SLC44A5: variants seen among roughly 807,000 people sequenced by gnomAD.
SLC44A5 encodes the protein choline transporter-like protein 5.
Under a neutral mutation model 101.8 loss-of-function variants are expected in SLC44A5, and 57 were observed. The observed-to-expected ratio is 0.56, with a 90% confidence interval of 0.45 to 0.70. The LOEUF is 0.70. Among genes scored for constraint, SLC44A5 ranks in the 30% least tolerant of loss-of-function variants. The pLI is 0.00. For synonymous variants in SLC44A5, 281 were observed against 290.9 expected, an observed-to-expected ratio of 0.97 and a Z score of 0.35; for missense variants, 737 against 853.1, an observed-to-expected ratio of 0.86 and a Z score of 1.70.
At chr1:75,634,921 C>G in the SLC44A5 span, among the ~76,000 whole-genome samples, 2 of 152,006 alleles carry the variant, frequency 1.3e-5, no homozygotes, top group Non-Finnish European at 1.5e-5. Flanking sequence ...TGACAAAGGG[C>G]TAATATCTAG....
At chr1:75,631,354 C>T in the SLC44A5 span, among the ~76,000 whole-genome samples, 4,966 of 151,982 alleles carry the variant, frequency 0.033, 276 homozygotes, top group African/African-American at 0.12. Context: ...GTATCTGTGA[C>T]TTCCCTAAGA....
intron 14 of SLC44A5, among the ~76,000 whole-genome samples, chr1:75,220,396 G>A (rs1647053796): frequency 1.3e-5 from 2 of 152,004 alleles, no homozygotes; most frequent in African/African-American, 4.8e-5. Context: ...TTATCTGCCT[G>A]TTTGCAACCT....
intron 2 of SLC44A5, among the ~76,000 whole-genome samples, chr1:75,469,667 C>G (rs905134317): frequency 6.6e-6 from 1 of 152,038 alleles, no homozygotes; most frequent in Non-Finnish European, 1.5e-5. Flanking sequence ...GCCTGTAATT[C>G]CAGCCTTCTG....
At chr1:75,387,123 G>A (rs2101314087) in intron 3 of SLC44A5, among the ~76,000 whole-genome samples, 1 of 152,222 alleles carries the variant, frequency 6.6e-6, no homozygotes, top group East Asian at 1.9e-4. Flanking sequence ...GAAAACCTAG[G>A]CATTACCATT....
chr1:75,274,427 T>C (rs373384658), intron 6 of SLC44A5, among the ~76,000 whole-genome samples: 7 of 152,270 alleles, frequency 4.6e-5, no homozygotes, highest in East Asian at 3.9e-4. Flanking sequence ...AGAAAGAAAT[T>C]TGATGGAACA....
chr1:75,266,053 C>G (rs1435231462), intron 6 of SLC44A5, among the ~76,000 whole-genome samples: 1 of 152,166 alleles, frequency 6.6e-6, no homozygotes, highest in Non-Finnish European at 1.5e-5. Context: ...CTTTGGACAC[C>G]GTAAAAACCC....
At chr1:75,490,924 C>T (rs1006368841) in intron 2 of SLC44A5, among the ~76,000 whole-genome samples, 2 of 151,434 alleles carry the variant, frequency 1.3e-5, no homozygotes, top group Non-Finnish European at 2.9e-5. Context: ...AGTAAATCTA[C>T]TTTTTTAAAA....
At chr1:75,304,808 C>T (rs964131980) in intron 4 of SLC44A5, among the ~76,000 whole-genome samples, 5 of 152,034 alleles carry the variant, frequency 3.3e-5, no homozygotes, top group African/African-American at 1.2e-4. Context: ...AACCATTGTA[C>T]TAAGTTAAAA....
intron 4 of SLC44A5, among the ~76,000 whole-genome samples, chr1:75,306,733 CT>C (rs771955227): frequency 3.8e-4 from 39 of 102,594 alleles, no homozygotes; most frequent in South Asian, 2.5e-3. Context: ...GGTTTCCTTT[CT>C]TTTTTTTTTT....
intron 1 of SLC44A5, among the ~76,000 whole-genome samples, chr1:75,584,250 T>C (rs1673868645): frequency 6.6e-6 from 1 of 152,194 alleles, no homozygotes; most frequent in African/African-American, 2.4e-5. Flanking sequence ...GCAAAGGTAA[T>C]TAAAAGGTTC....
At chr1:75,483,913 G>A (rs1293043384) in intron 2 of SLC44A5, among the ~76,000 whole-genome samples, 1 of 152,098 alleles carries the variant, frequency 6.6e-6, no homozygotes, top group African/African-American at 2.4e-5. Flanking sequence ...GGAGAGTGAG[G>A]TGGGAAGTGC....
Position 75,537,029 on chromosome 1 carries a change from A to ATATATAT in SLC44A5, c.13+4405_13+4406insATATATA, listed in dbSNP as rs1228367756. Reference sequence around the variant, plus strand: ...TCAAAAAAAAAAAAAAAAAAAAAAAAAAAAATATATATCTATGCCAAATGA... The same window carrying ATATATAT: ...TCAAAAAAAAAAAAAAAAAAAAAAAATATATATAAAAATATATATCTATGCCAAATGA... On this transcript the variant is annotated intron_variant, in intron 2 of 23. Transcript: ENST00000370859. 9.1e-4 allele frequency among the ~76,000 whole-genome samples: 23 copies of ATATATAT among 25,246 alleles called. 2 individuals are homozygous for ATATATAT. In the East Asian group the frequency reaches 0.012, roughly 13 times the overall value. 16.6% of individuals were successfully genotyped at this position (25,246 alleles called of 152,430 possible).
At chr1:75,324,331 C>G (rs748427402) in intron 4 of SLC44A5, among the ~76,000 whole-genome samples, 1 of 152,072 alleles carries the variant, frequency 6.6e-6, no homozygotes, top group Non-Finnish European at 1.5e-5. Flanking sequence ...CCAGATCCAC[C>G]ATAACAGGAA....
chr1:75,584,224 G>A (rs566601984), intron 1 of SLC44A5, among the ~76,000 whole-genome samples: 1 of 152,220 alleles, frequency 6.6e-6, no homozygotes, highest in African/African-American at 2.4e-5. Flanking sequence ...TCTAGTCTAT[G>A]TGGAAATGGT....
chr1:75,711,902 T>G, the SLC44A5 span, among the ~76,000 whole-genome samples: 2,389 of 152,312 alleles, frequency 0.016, 70 homozygotes, highest in African/African-American at 0.053. Flanking sequence ...AAGAGTTCCA[T>G]TAATATTGCT....
At chr1:75,303,370 G>A (rs1557641987) in intron 4 of SLC44A5, among the ~76,000 whole-genome samples, 1 of 152,090 alleles carries the variant, frequency 6.6e-6, no homozygotes, top group East Asian at 1.9e-4. Context: ...CAAGCAACTG[G>A]AACTACAGGC....
chr1:75,541,516 T>C lies in SLC44A5; in HGVS notation c.-69A>G. The C allele has an allele frequency of 3.8e-6, 6 of 1,592,532 alleles. No homozygotes were observed. The highest frequency in any genetic ancestry group is 5.1e-6 in the Non-Finnish European group (6 of 1,171,080). ...CAAACTTGAGTTGCTTAGAAAAGAG[T>C]CTGTGATAAAAACAAGTATGAAGAT... On this transcript the variant is annotated splice_region_variant and 5_prime_UTR_variant, in exon 2 of 24. Coordinates refer to ENST00000370859, the MANE Select transcript of SLC44A5 (RefSeq NM_001130058.2).
Position 75,582,336 on chromosome 1 carries a change from T to C in SLC44A5, c.-70+28704A>G. The C allele has an allele frequency of 2.2e-6, 3 of 1,351,282 alleles. No individual in the cohort carries two copies. In the South Asian group the frequency reaches 3.7e-5, roughly 16 times the overall value. The allele number at this position is 1,351,282 out of a possible 1,614,324, so 83.7% of individuals were successfully genotyped here. On this transcript the variant is annotated intron_variant, in intron 1 of 23. Coordinates refer to ENST00000370859, the MANE Select transcript of SLC44A5 (RefSeq NM_001130058.2). The stretch of plus-strand genomic sequence containing the variant: ...AAGGCCCTGGTAAAGCCCAAGGAAG[T>C]TAAGCCCAAGATCCCAAAGGGTGTC...
chr1:75,421,336 C>G (rs182424660), intron 2 of SLC44A5, among the ~76,000 whole-genome samples: 65 of 152,198 alleles, frequency 4.3e-4, no homozygotes, highest in African/African-American at 1.4e-3. Flanking sequence ...CGCCTGAAGA[C>G]TGCAAACTTG....
Sources: allele counts gnomAD v4.1 joint callset (sites outside exome capture counted in the v4.1 genomes callset), GRCh38; gene constraint gnomAD v4.1.1; transcripts MANE v1.5; gene names NCBI Gene and HGNC (gene_info 2026-07-23, HGNC 2026-07-21).